Variants in SH3RF2 observed in about 807,000 individuals in gnomAD.
SH3RF2 encodes the protein SH3 domain containing ring finger 2, also known as E3 ubiquitin-protein ligase SH3RF2.
SH3RF2 carries 43 observed loss-of-function variants against 59.0 expected under a neutral mutation model. That is an observed-to-expected ratio of 0.73 (90% CI 0.57 to 0.94). The LOEUF (loss-of-function observed/expected upper bound fraction) is 0.94. SH3RF2 is among the 40% of genes least tolerant of loss of function. The probability of loss-of-function intolerance (pLI) is 0.00; values close to 1 mark genes in which losing one functional copy is unlikely to be tolerated. For missense variants in SH3RF2, 930 were observed against 940.1 expected (o/e 0.99, Z 0.14); for synonymous variants, 391 against 391.5 (o/e 1.00, Z 0.01).
At chr5:146,074,036 C>CTTTTTTTTTTTTTT (rs70998053) in intron 9 of SH3RF2, among the ~76,000 whole-genome samples, 6 of 117,232 alleles carry the variant, frequency 5.1e-5, no homozygotes, top group African/African-American at 2.5e-4. Flanking sequence ...CATTAACACT[C>CTTTTTTTTTTTTTT]TTTTTTTTTT....
At chr5:146,007,679 C>A (rs1001475147) in intron 4 of SH3RF2, among the ~76,000 whole-genome samples, 8 of 152,140 alleles carry the variant, frequency 5.3e-5, no homozygotes, top group Admixed American at 4.6e-4. Context: ...AATGATTATT[C>A]ATTTGGATAC....
At chr5:145,963,587 G>A (rs1052505946) in intron 2 of SH3RF2, among the ~76,000 whole-genome samples, 1 of 152,124 alleles carries the variant, frequency 6.6e-6, no homozygotes, top group Admixed American at 6.5e-5. Context: ...ATGGAACACA[G>A]TACATTTAAA....
At chr5:146,063,638 C>A (rs2962526), downstream of SH3RF2, among the ~76,000 whole-genome samples, 2 of 152,132 alleles carry the variant, frequency 1.3e-5, no homozygotes, top group African/African-American at 4.8e-5. Context: ...GGTGGGCAGA[C>A]CACTTGAGGT....
At chr5:146,047,723 G>T (rs753271882) in intron 5 of SH3RF2, 49 bp from the exon 6 acceptor site, 1 of 1,574,254 alleles carries the variant, frequency 6.4e-7, no homozygotes, top group Non-Finnish European at 8.7e-7. Flanking sequence ...TGTGGGCCTG[G>T]GTTGTGGCAT....
chr5:146,033,507 G>C (rs1761817442), intron 5 of SH3RF2, among the ~76,000 whole-genome samples: 1 of 96,708 alleles, frequency 1.0e-5, no homozygotes, highest in Non-Finnish European at 1.9e-5. Context: ...TTTCACTCTT[G>C]TTGCCCAGGC....
chr5:145,986,870 G>A (rs1441444709), intron 2 of SH3RF2, among the ~76,000 whole-genome samples: 5 of 152,136 alleles, frequency 3.3e-5, no homozygotes, highest in Non-Finnish European at 7.4e-5. Context: ...CTCTTTCTCT[G>A]CCCAGGTGAT....
chr5:145,969,521 G>A (rs2149960645), intron 2 of SH3RF2, among the ~76,000 whole-genome samples: 1 of 152,244 alleles, frequency 6.6e-6, no homozygotes, highest in East Asian at 1.9e-4. Context: ...GCCCCTGATT[G>A]TCTGCTTGGT....
intron 5 of SH3RF2, among the ~76,000 whole-genome samples, chr5:146,032,537 T>C (rs1225867044): frequency 3.3e-5 from 5 of 152,154 alleles, no homozygotes; most frequent in South Asian, 2.1e-4. Context: ...AAAAAAATGT[T>C]GTCTATTACA....
intron 5 of SH3RF2, among the ~76,000 whole-genome samples, chr5:146,030,934 A>G (rs1056960722): frequency 6.6e-6 from 1 of 152,246 alleles, no homozygotes; most frequent in Non-Finnish European, 1.5e-5. Flanking sequence ...CAGTAGTGAC[A>G]GAGACCTTGC....
chr5:146,009,999 G>C (rs544948262), intron 4 of SH3RF2, among the ~76,000 whole-genome samples: 4 of 152,038 alleles, frequency 2.6e-5, no homozygotes, highest in Non-Finnish European at 5.9e-5. Flanking sequence ...ATTTACATTA[G>C]GTATATCTCC....
intron 2 of SH3RF2, among the ~76,000 whole-genome samples, chr5:145,943,131 T>C (rs1036052784): frequency 2.0e-5 from 3 of 151,574 alleles, no homozygotes; most frequent in African/African-American, 7.3e-5. Context: ...AGCTAATAAA[T>C]GTTAGCAACA....
intron 4 of SH3RF2, 74 bp from the exon 5 acceptor site, chr5:146,013,673 G>T: frequency 6.4e-7 from 1 of 1,554,692 alleles, no homozygotes; most frequent in Non-Finnish European, 8.7e-7. Flanking sequence ...GGCTTCAGAT[G>T]TACATGGGTA....
At chr5:146,066,408 C>T (rs934060865), downstream of SH3RF2, among the ~76,000 whole-genome samples, 2 of 152,166 alleles carry the variant, frequency 1.3e-5, no homozygotes, top group Non-Finnish European at 2.9e-5. Context: ...CCTCAATGGG[C>T]TATTATGAGG....
chr5:146,077,296 T>C (rs1277078188), intron 9 of SH3RF2, among the ~76,000 whole-genome samples: 1 of 152,214 alleles, frequency 6.6e-6, no homozygotes, highest in Non-Finnish European at 1.5e-5. Context: ...GGGGAGGATA[T>C]TGATTACATG....
intron 5 of SH3RF2, among the ~76,000 whole-genome samples, chr5:146,016,879 C>T (rs1761125525): frequency 6.6e-6 from 1 of 152,164 alleles, no homozygotes; most frequent in East Asian, 1.9e-4. Flanking sequence ...CTTCCATTTA[C>T]TATCACTTTG....
intron 5 of SH3RF2, among the ~76,000 whole-genome samples, chr5:146,026,795 C>A (rs910661595): frequency 2.0e-5 from 3 of 152,150 alleles, no homozygotes; most frequent in Non-Finnish European, 4.4e-5. Flanking sequence ...GGGCAAGATA[C>A]TTTACTCCGT....
downstream of SH3RF2, among the ~76,000 whole-genome samples, chr5:146,064,799 GGAAGGAAGGAAAGAAA>G (rs1763047582): frequency 2.1e-4 from 6 of 28,060 alleles, no homozygotes; most frequent in African/African-American, 5.9e-4. Flanking sequence ...AAGGAAGGAA[GGAAGGAAGGAAAGAAA>G]GAAAGAAAGA....
At position 146,013,961 on chromosome 5, in the gene SH3RF2, T is replaced by C. The variant is rs143426535; in HGVS notation, c.959T>C (p.Met320Thr). 20 of 1,614,082 alleles carry C rather than the reference T, an allele frequency of 1.2e-5. No homozygotes were observed. The highest frequency in any genetic ancestry group is 1.6e-5 in the Non-Finnish European group (19 of 1,179,994). ...RMVHSPSGRH[M>T]VEISTPVLIS... The stretch of plus-strand genomic sequence containing the variant: ...GTCCATTCTCCTTCAGGGCGCCATA[T>C]GGTAGAGATCAGCACCCCAGTGCTC... The change falls in exon 5 of 10, where the codon ATG becomes ACG. Residue 320 changes from methionine (M) to threonine (T), a missense_variant. By Grantham distance (81) the Met-to-Thr change is moderately conservative. Coordinates refer to ENST00000359120, the MANE Select transcript of SH3RF2 (RefSeq NM_152550.4).
In SH3RF2 at chr5:146,062,625, G is replaced by A; in HGVS notation, c.2114G>A (p.Arg705Lys). 1 of 1,614,220 alleles carries A rather than the reference G, an allele frequency of 6.2e-7. No individual in the cohort carries two copies. Among genetic ancestry groups the A allele is most frequent in the Non-Finnish European group, 8.5e-7 (1 of 1,180,036 alleles). Residue 705 changes from arginine (R) to lysine (K), a missense_variant, in exon 10 of 10, where the codon AGA (arginine) becomes AAA (lysine). By Grantham distance (26) the Arg-to-Lys change is conservative (BLOSUM62 2). Coordinates refer to ENST00000359120, the MANE Select transcript of SH3RF2 (RefSeq NM_152550.4). ...TCCGGACAGCAGACAGACCTCCGGAGAAAGTCAGCTCTTGGCAAGGCCACA... is the reference window on the plus strand; with the variant it reads ...TCCGGACAGCAGACAGACCTCCGGAAAAAGTCAGCTCTTGGCAAGGCCACA... Reference protein sequence around the residue: ...CHSGQQTDLRRKSALGKATTL... With the variant: ...CHSGQQTDLRKKSALGKATTL...
Sources: gnomAD v4.1 joint callset for allele counts (sites outside exome capture counted in the v4.1 genomes callset) on GRCh38, gnomAD v4.1.1 for gene constraint, MANE v1.5 for transcripts, NCBI Gene and HGNC (gene_info 2026-07-23, HGNC 2026-07-21) for gene names.